PITPNB: variants seen among roughly 807,000 people sequenced by gnomAD.
PITPNB encodes the protein phosphatidylinositol transfer protein beta.
A neutral mutation model predicts 45.9 loss-of-function variants in PITPNB; 16 were observed. That is an observed-to-expected ratio of 0.35 (90% CI 0.24 to 0.53). PITPNB has a LOEUF of 0.53. PITPNB is among the 20% of genes least tolerant of loss of function. The pLI, the probability that PITPNB is intolerant of heterozygous loss-of-function variation, is 0.93. For synonymous variants in PITPNB, 112 were observed against 108.9 expected (o/e 1.03, Z -0.18); for missense variants, 188 against 330.5 (o/e 0.57, Z 3.34).
At chr22:27,884,440 G>A (rs1935059929) in intron 7 of PITPNB, among the ~76,000 whole-genome samples, 1 of 152,146 alleles carries the variant, frequency 6.6e-6, no homozygotes, top group African/African-American at 2.4e-5. Flanking sequence ...CACAAAACAG[G>A]GACCCCTCCT....
intron 3 of PITPNB, among the ~76,000 whole-genome samples, chr22:27,901,860 G>A (rs1935603976): frequency 6.6e-6 from 1 of 151,904 alleles, no homozygotes; most frequent in Admixed American, 6.6e-5. Context: ...CTTCAGCCTG[G>A]GGACACAGTG....
At chr22:27,862,670 C>T (rs1371783348) in intron 8 of PITPNB, among the ~76,000 whole-genome samples, 1 of 152,114 alleles carries the variant, frequency 6.6e-6, no homozygotes, top group Non-Finnish European at 1.5e-5. Context: ...TATGTATACA[C>T]ACATACAAAC....
At chr22:27,867,695 C>CT (rs1039908063) in intron 8 of PITPNB, among the ~76,000 whole-genome samples, 4 of 152,138 alleles carry the variant, frequency 2.6e-5, no homozygotes, top group African/African-American at 9.7e-5. Context: ...ATGAAGAAAA[C>CT]TTTGTTTCTG....
intron 8 of PITPNB, among the ~76,000 whole-genome samples, chr22:27,865,546 C>T (rs1383259207): frequency 6.6e-6 from 1 of 152,184 alleles, no homozygotes; most frequent in Non-Finnish European, 1.5e-5. Context: ...TGAAAAATCT[C>T]AATGGGGCAA....
At chr22:27,897,228 A>T in intron 4 of PITPNB, 91 bp from the exon 5 acceptor site, 1 of 854,254 alleles carries the variant, frequency 1.2e-6, no homozygotes, top group South Asian at 1.4e-5. Flanking sequence ...ACTTAATGTC[A>T]CAAAGACTAA....
rs866538360 is a variant in PITPNB at position 27,919,227 on chromosome 22, A to G, written c.-36T>C. Reference sequence around the variant, plus strand: ...CCCCCTCACAGCTGCCGCCGATACCACCGCCGCCGCCGCCGCTACCGCCTC... The same window carrying G: ...CCCCCTCACAGCTGCCGCCGATACCGCCGCCGCCGCCGCCGCTACCGCCTC... On this transcript the variant is annotated 5_prime_UTR_variant, in exon 1 of 12. Transcript: ENST00000335272. 7.0e-6 allele frequency: 11 copies of G among 1,569,356 alleles called. No individual in the cohort carries two copies. The highest frequency in any genetic ancestry group is 6.7e-5 in the Admixed American group (4 of 59,700).
intron 7 of PITPNB, among the ~76,000 whole-genome samples, chr22:27,892,529 G>T (rs542942853): frequency 6.6e-6 from 1 of 152,228 alleles, no homozygotes; most frequent in African/African-American, 2.4e-5. Flanking sequence ...TCCTGGTGTG[G>T]CATACTGCTG....
chr22:27,858,019 G>A (rs1342127826), intron 10 of PITPNB, among the ~76,000 whole-genome samples: 1 of 151,830 alleles, frequency 6.6e-6, no homozygotes, highest in Non-Finnish European at 1.5e-5. Context: ...TAAGCTTGCT[G>A]TGATACAAAC....
rs1180660115 is a variant in PITPNB at position 27,908,314 on chromosome 22, C to G, written c.197+2650G>C. ...ACCAGGTGATAAATATTCTCAACAT[C>G]TTAATGTACCTCTTTTAGGCTTTTT... On this transcript the variant is annotated intron_variant, in intron 3 of 11. Transcript: ENST00000335272. Among the ~76,000 whole-genome samples the G allele has an allele frequency of 4.2e-5, 6 of 143,398 alleles. No individual in the cohort carries two copies. In the South Asian group the frequency reaches 1.5e-3, roughly 35 times the overall value. The allele number at this position is 143,398 out of a possible 152,430, so 94.1% of individuals were successfully genotyped here. A position where few individuals can be genotyped will look rare whatever the true frequency, so the allele number is the denominator to read the frequency against.
chr22:27,857,949 C>T (rs1436113540), intron 10 of PITPNB, among the ~76,000 whole-genome samples: 3 of 152,156 alleles, frequency 2.0e-5, no homozygotes, highest in Non-Finnish European at 4.4e-5. Context: ...AGTAACAATA[C>T]CATTAGCCTT....
At chr22:27,879,723 A>G (rs1934915008) in intron 7 of PITPNB, among the ~76,000 whole-genome samples, 1 of 152,196 alleles carries the variant, frequency 6.6e-6, no homozygotes, top group Non-Finnish European at 1.5e-5. Flanking sequence ...TAAGTGATAC[A>G]TTTAGAAAAG....
At chr22:27,885,410 CTG>C (rs1045705411) in intron 7 of PITPNB, among the ~76,000 whole-genome samples, 1 of 152,120 alleles carries the variant, frequency 6.6e-6, no homozygotes, top group Non-Finnish European at 1.5e-5. Flanking sequence ...AAAACTTACA[CTG>C]TGGTGTTTTA....
At chr22:27,913,746 TG>T (rs1443576842) in intron 2 of PITPNB, among the ~76,000 whole-genome samples, 1 of 152,188 alleles carries the variant, frequency 6.6e-6, no homozygotes, top group Middle Eastern at 3.2e-3. Flanking sequence ...GTGAATGTGC[TG>T]GGAATGTTTA....
intron 8 of PITPNB, among the ~76,000 whole-genome samples, chr22:27,861,727 T>C (rs1486839006): frequency 6.6e-6 from 1 of 152,128 alleles, no homozygotes; most frequent in Non-Finnish European, 1.5e-5. Context: ...AGCCCCAGTG[T>C]TGGTGTGCTT....
At chr22:27,872,527 G>A (rs1934699645) in intron 8 of PITPNB, among the ~76,000 whole-genome samples, 1 of 152,160 alleles carries the variant, frequency 6.6e-6, no homozygotes. Context: ...AAATAATATA[G>A]TTATGAATCA....
At chr22:27,903,801 A>G (rs1364987115) in intron 3 of PITPNB, among the ~76,000 whole-genome samples, 1 of 151,532 alleles carries the variant, frequency 6.6e-6, no homozygotes, top group South Asian at 2.1e-4. Context: ...AAAAAAACTA[A>G]AAAGAAAGTG....
intron 6 of PITPNB, among the ~76,000 whole-genome samples, chr22:27,895,770 T>C (rs936030020): frequency 1.3e-5 from 2 of 152,182 alleles, no homozygotes; most frequent in African/African-American, 2.4e-5. Context: ...TCTCCTGGAA[T>C]GAATGTGCAT....
chr22:27,903,097 C>G (rs1033664808), intron 3 of PITPNB, among the ~76,000 whole-genome samples: 1 of 152,036 alleles, frequency 6.6e-6, no homozygotes, highest in Non-Finnish European at 1.5e-5. Context: ...GAAAAATCTG[C>G]AAATCACCTC....
At chr22:27,911,626 T>C (rs1238519372) in intron 2 of PITPNB, among the ~76,000 whole-genome samples, 1 of 152,172 alleles carries the variant, frequency 6.6e-6, no homozygotes, top group African/African-American at 2.4e-5. Context: ...AGAAACATAA[T>C]AGATAGTCCA....
Sources: gnomAD v4.1 joint callset for allele counts (sites outside exome capture counted in the v4.1 genomes callset) on GRCh38, gnomAD v4.1.1 for gene constraint, MANE v1.5 for transcripts, NCBI Gene and HGNC (gene_info 2026-07-23, HGNC 2026-07-21) for gene names.